Variants in BICDL1 observed in about 807,000 individuals in gnomAD.
BICDL1 encodes BICD family like cargo adaptor 1.
Under a neutral mutation model 76.8 loss-of-function variants are expected in BICDL1, and 20 were observed. That is an observed-to-expected ratio of 0.26 (90% CI 0.18 to 0.38). The LOEUF is 0.38. BICDL1 is among the 10% of genes least tolerant of loss of function. The pLI, the probability that BICDL1 is intolerant of heterozygous loss-of-function variation, is 1.00. For missense variants in BICDL1, 700 were observed against 798.6 expected (o/e 0.88, Z 1.49); for synonymous variants, 383 against 337.1 (o/e 1.14, Z -1.49).
intron 2 of BICDL1, among the ~76,000 whole-genome samples, chr12:120,007,232 G>C (rs899818059): frequency 6.6e-6 from 1 of 152,198 alleles, no homozygotes; most frequent in South Asian, 2.1e-4. Context: ...AGACTGTGTG[G>C]ATAATTAAGG....
intron 4 of BICDL1, among the ~76,000 whole-genome samples, chr12:120,069,722 G>A (rs1328889368): frequency 6.6e-6 from 1 of 151,812 alleles, no homozygotes; most frequent in African/African-American, 2.4e-5. Context: ...ATATAGTAAA[G>A]CATACAAATC....
intron 2 of BICDL1, among the ~76,000 whole-genome samples, chr12:120,039,637 C>CA (rs58284420): frequency 0.33 from 17,945 of 54,610 alleles, 3,366 homozygotes; most frequent in African/African-American, 0.48. Flanking sequence ...GACTCCGTCT[C>CA]AAAAAAAAAA....
At chr12:120,036,749 G>A (rs1345942713) in intron 2 of BICDL1, among the ~76,000 whole-genome samples, 3 of 152,250 alleles carry the variant, frequency 2.0e-5, no homozygotes, top group South Asian at 2.1e-4. Context: ...GGTGGCATGC[G>A]CCTGTAGTCC....
intron 2 of BICDL1, among the ~76,000 whole-genome samples, chr12:120,046,328 A>G (rs945240841): frequency 6.6e-6 from 1 of 152,204 alleles, no homozygotes; most frequent in Admixed American, 6.5e-5. Flanking sequence ...TTTCTGTGCC[A>G]GTGACTTAAA....
intron 2 of BICDL1, among the ~76,000 whole-genome samples, chr12:120,052,263 T>TTC (rs564491804): frequency 3.1e-3 from 294 of 94,312 alleles, no homozygotes; most frequent in African/African-American, 0.011. Flanking sequence ...TCCCCTCCCC[T>TTC]TCTCTCTCTC....
Position 120,093,062 on chromosome 12 carries a change from GC to G in BICDL1, c.1769del (p.Pro590ArgfsTer71). On this transcript the variant is annotated frameshift_variant, in exon 10 of 10. Transcript: ENST00000548673. LOFTEE classifies it high-confidence loss of function. ...MDTHLKERSQ[P>X]AAALCRGHSA... is the part of the protein sequence containing the mutation. ...ACACGCACCTGAAAGAACGGAGCCA[GC>G]CGGCTGCTGCCCTCTGCAGGGGCCA... The G allele has an allele frequency of 6.2e-7, 1 of 1,602,428 alleles. No homozygotes were observed. Among genetic ancestry groups the G allele is most frequent in the Non-Finnish European group, 8.5e-7 (1 of 1,173,592 alleles).
intron 2 of BICDL1, among the ~76,000 whole-genome samples, chr12:120,014,622 G>A (rs1452125524): frequency 6.6e-6 from 1 of 151,706 alleles, no homozygotes; most frequent in African/African-American, 2.4e-5. Context: ...AACCCAGGAG[G>A]CAGAGGTTGC....
chr12:120,068,823 G>A (rs1872864885), intron 4 of BICDL1, among the ~76,000 whole-genome samples: 1 of 152,140 alleles, frequency 6.6e-6, no homozygotes, highest in African/African-American at 2.4e-5. Context: ...ATAGCATTTA[G>A]CAGCTGTGGT....
chr12:120,089,171 A>T (rs1051454059), intron 8 of BICDL1, among the ~76,000 whole-genome samples: 17 of 152,332 alleles, frequency 1.1e-4, no homozygotes, highest in Non-Finnish European at 2.2e-4. Context: ...CCAGTGGGGA[A>T]TGGGCCATTT....
intron 8 of BICDL1, among the ~76,000 whole-genome samples, chr12:120,088,490 G>C (rs1409942241): frequency 1.3e-5 from 2 of 151,610 alleles, no homozygotes; most frequent in Non-Finnish European, 2.9e-5. Flanking sequence ...CCGAGTAGCT[G>C]GGATTACAGG....
intron 2 of BICDL1, among the ~76,000 whole-genome samples, chr12:120,007,782 A>G (rs1951877435): frequency 6.6e-6 from 1 of 152,170 alleles, no homozygotes; most frequent in South Asian, 2.1e-4. Context: ...CCTTTCTTGG[A>G]GTTAAAGACA....
At chr12:120,053,838 T>C (rs553985402) in intron 2 of BICDL1, among the ~76,000 whole-genome samples, 1 of 152,286 alleles carries the variant, frequency 6.6e-6, no homozygotes, top group Admixed American at 6.5e-5. Flanking sequence ...TGTATGCTCA[T>C]AAATACATGT....
Position 119,998,078 on chromosome 12 carries a change from C to A in BICDL1, c.430-443C>A, listed in dbSNP as rs528021557. Among the ~76,000 whole-genome samples, 3 of 152,220 alleles carry A rather than the reference C, an allele frequency of 2.0e-5. No individual in the cohort carries two copies. The South Asian group carries it at 6.2e-4, about 32-fold the overall frequency. On this transcript the variant is annotated intron_variant, in intron 1 of 9. Transcript: ENST00000548673. ...GTGGTGAGCCAAGATCACACCACTG[C>A]ATTCCAGCCTGGGCGACGGAGTCTT...
intron 2 of BICDL1, among the ~76,000 whole-genome samples, chr12:120,037,771 G>GTCTA (rs144435669): frequency 5.8e-4 from 89 of 152,270 alleles, no homozygotes; most frequent in African/African-American, 2.0e-3. Context: ...TTGTAGCCTG[G>GTCTA]TCTACATAAT....
At chr12:120,004,440 A>T (rs772967209) in intron 2 of BICDL1, among the ~76,000 whole-genome samples, 23 of 152,208 alleles carry the variant, frequency 1.5e-4, no homozygotes, top group Non-Finnish European at 3.1e-4. Flanking sequence ...TTTCTACTAT[A>T]GAATCACTGA....
intron 1 of BICDL1, chr12:119,992,606 A>G (rs1951547552): frequency 6.6e-6 from 1 of 152,286 alleles, no homozygotes; most frequent in African/African-American, 2.4e-5. Flanking sequence ...GCTGGTCTCA[A>G]ACTACGGGGC....
intron 2 of BICDL1, chr12:120,056,912 G>A (rs1952986657): frequency 6.1e-6 from 2 of 326,038 alleles, no homozygotes; most frequent in South Asian, 4.8e-5. Context: ...CCAGCCGACC[G>A]CCTGCCCTTG....
At chr12:120,009,619 C>G (rs1446569176) in intron 2 of BICDL1, among the ~76,000 whole-genome samples, 1 of 152,042 alleles carries the variant, frequency 6.6e-6, no homozygotes, top group Admixed American at 6.6e-5. Flanking sequence ...CTGCCCTTGC[C>G]TGATGTGAGG....
intron 2 of BICDL1, among the ~76,000 whole-genome samples, chr12:120,029,705 G>C (rs933027540): frequency 6.6e-6 from 1 of 152,026 alleles, no homozygotes; most frequent in African/African-American, 2.4e-5. Flanking sequence ...TTGTTGCCCA[G>C]GCTGGAGTGC....
Sources: allele counts gnomAD v4.1 joint callset (sites outside exome capture counted in the v4.1 genomes callset), GRCh38; gene constraint gnomAD v4.1.1; transcripts MANE v1.5; gene names NCBI Gene and HGNC (gene_info 2026-07-23, HGNC 2026-07-21).